MMD2: variants seen among roughly 807,000 people sequenced by gnomAD.
MMD2 encodes the protein monocyte to macrophage differentiation associated 2, also known as monocyte to macrophage differentiation factor 2.
A neutral mutation model predicts 33.5 loss-of-function variants in MMD2; 30 were observed. The ratio of observed to expected loss-of-function variants is 0.90; its 90% confidence interval spans 0.67 to 1.22. MMD2 has a LOEUF of 1.22. Ranked by LOEUF, MMD2 falls within the 50% of genes most tolerant of loss-of-function variation. MMD2 has a pLI of 0.00. For missense variants in MMD2, 364 were observed against 325.4 expected (o/e 1.12, Z -0.91); for synonymous variants, 129 against 123.0 (o/e 1.05, Z -0.32).
Position 4,959,038 on chromosome 7 carries a change from C to G in MMD2, c.-21G>C. The G allele has an allele frequency of 7.9e-7, 1 of 1,260,080 alleles. No individual in the cohort carries two copies. The highest frequency in any genetic ancestry group is 1.0e-6 in the Non-Finnish European group (1 of 994,328). 78.1% of individuals were successfully genotyped at this position (1,260,080 alleles called of 1,614,324 possible). A position where few individuals can be genotyped will look rare whatever the true frequency, so the allele number is the denominator to read the frequency against. The stretch of plus-strand genomic sequence containing the variant: ...AACATCGCGGCGCTTCCATGGGAAT[C>G]TGGCCCCGGGCTCAGAGCGCGGGTA... On this transcript the variant is annotated 5_prime_UTR_variant, in exon 1 of 7. Transcript: ENST00000401401.
At chr7:4,923,142 G>T (rs1308532839) in intron 2 of MMD2, among the ~76,000 whole-genome samples, 1 of 149,748 alleles carries the variant, frequency 6.7e-6, no homozygotes, top group African/African-American at 2.5e-5. Context: ...ATTCTGTCCT[G>T]CACTCAACTG....
chr7:4,909,681 C>T (rs1784955792), intron 6 of MMD2, 200 bp downstream of exon 6: 4 of 762,352 alleles, frequency 5.2e-6, no homozygotes, highest in South Asian at 4.4e-5. Flanking sequence ...AACTATCCTC[C>T]CACCTCAGCC....
chr7:4,947,150 G>A (rs1432507771), intron 1 of MMD2, among the ~76,000 whole-genome samples: 1 of 152,022 alleles, frequency 6.6e-6, no homozygotes, highest in East Asian at 1.9e-4. Flanking sequence ...GGAGTTTGCA[G>A]TAAGCTGAGA....
At chr7:4,917,674 A>T (rs1785175964) in intron 3 of MMD2, among the ~76,000 whole-genome samples, 1 of 151,966 alleles carries the variant, frequency 6.6e-6, no homozygotes, top group Non-Finnish European at 1.5e-5. Flanking sequence ...CTTGGGCAAC[A>T]AGAGTGAAAC....
At chr7:4,904,427 G>A (rs1429222884), downstream of MMD2, among the ~76,000 whole-genome samples, 1 of 152,206 alleles carries the variant, frequency 6.6e-6, no homozygotes, top group Non-Finnish European at 1.5e-5. Flanking sequence ...TGCTGGGGAA[G>A]AGAAAGGGTT....
intron 1 of MMD2, among the ~76,000 whole-genome samples, chr7:4,951,200 G>C (rs1227459163): frequency 6.6e-6 from 1 of 152,040 alleles, no homozygotes; most frequent in African/African-American, 2.4e-5. Context: ...CAACTCCCTT[G>C]ATAACTATGA....
At chr7:4,943,249 T>A (rs1785960446) in intron 1 of MMD2, among the ~76,000 whole-genome samples, 1 of 151,718 alleles carries the variant, frequency 6.6e-6, no homozygotes. Flanking sequence ...GACCTTGTGA[T>A]CCGCCTGCCT....
the MMD2 span, among the ~76,000 whole-genome samples, chr7:4,899,031 G>C: frequency 6.6e-6 from 1 of 152,004 alleles, no homozygotes; most frequent in Non-Finnish European, 1.5e-5. Flanking sequence ...AAGGTGATTA[G>C]GTCAGGGAGG....
In MMD2 at chr7:4,925,106, G is replaced by C. The variant is rs550763209; in HGVS notation, c.129+345C>G. On this transcript the variant is annotated intron_variant, in intron 2 of 6. Coordinates refer to ENST00000401401, the MANE Select transcript of MMD2 (RefSeq NM_198403.4). Reference sequence around the variant, plus strand: ...CCACCATGCCCAGCTAATTTTTGTAGTTTTAGTAGAGACGGGGTTTCACCA... The same window carrying C: ...CCACCATGCCCAGCTAATTTTTGTACTTTTAGTAGAGACGGGGTTTCACCA... 4.8e-4 allele frequency among the ~76,000 whole-genome samples: 73 copies of C among 152,032 alleles called. 2 individuals are homozygous for C. The South Asian group carries it at 0.014, about 29-fold the overall frequency.
In MMD2 at chr7:4,940,294, C is replaced by T. The variant is rs771071444; in HGVS notation, c.48-14762G>A. ...AGCTCAGCTTCTGCAATTCCTCCCT[C>T]TCTCTCTCTGGCCTGACCCAGCTGG... On this transcript the variant is annotated intron_variant, in intron 1 of 6. Coordinates refer to ENST00000401401, the MANE Select transcript of MMD2 (RefSeq NM_198403.4). The surrounding 1 kb of genome is among the most constrained non-coding windows in gnomAD (Gnocchi z 5.0). 3.3e-5 allele frequency among the ~76,000 whole-genome samples: 5 copies of T among 152,034 alleles called. No individual in the cohort carries two copies. Among genetic ancestry groups the T allele is most frequent in the Non-Finnish European group, 7.4e-5 (5 of 67,966 alleles).
intron 4 of MMD2, 101 bp downstream of exon 4, chr7:4,915,904 T>C: frequency 8.2e-7 from 1 of 1,224,764 alleles, no homozygotes. Flanking sequence ...CCTAACTCCT[T>C]TGTGCCAAGT....
intron 5 of MMD2, among the ~76,000 whole-genome samples, chr7:4,910,681 C>T (rs112474324): frequency 0.013 from 2,007 of 152,040 alleles, 48 homozygotes; most frequent in African/African-American, 0.045. Flanking sequence ...CAGGCTGGAG[C>T]GCAGTGGCAC....
rs1786098879 is a variant in MMD2, at chr7:4,946,809, G to A, written c.47+12162C>T. 6.6e-6 allele frequency among the ~76,000 whole-genome samples: 1 copy of A among 152,108 alleles called. No individual in the cohort carries two copies. The highest frequency in any genetic ancestry group is 2.1e-4 in the South Asian group (1 of 4,830). On this transcript the variant is annotated intron_variant, in intron 1 of 6. Transcript: ENST00000401401. The surrounding 1 kb of genome is among the most constrained non-coding windows in gnomAD (Gnocchi z 5.0). Reference sequence around the variant, plus strand: ...TGCAGTGGTGCAATCATAGCTCACTGCAGCCTCGAATTCCTGGGCTCAACG... The same window carrying A: ...TGCAGTGGTGCAATCATAGCTCACTACAGCCTCGAATTCCTGGGCTCAACG...
At chr7:4,958,876 G>C in intron 1 of MMD2, 95 bp downstream of exon 1, 1 of 1,107,726 alleles carries the variant, frequency 9.0e-7, no homozygotes, top group South Asian at 3.6e-5. Flanking sequence ...CTAGCGCTCC[G>C]GGCGGCGGGG....
At chr7:4,956,931 C>T (rs753316052) in intron 1 of MMD2, among the ~76,000 whole-genome samples, 1 of 151,904 alleles carries the variant, frequency 6.6e-6, no homozygotes, top group Non-Finnish European at 1.5e-5. Context: ...TTTGGGAGGC[C>T]GAGGTGAGAG....
the MMD2 span, among the ~76,000 whole-genome samples, chr7:4,897,537 A>C: frequency 6.6e-6 from 1 of 152,162 alleles, no homozygotes; most frequent in Admixed American, 6.6e-5. Context: ...CCCACCCCAG[A>C]GAAAGGCCTT....
chr7:4,949,612 A>T (rs1420132508), intron 1 of MMD2, among the ~76,000 whole-genome samples: 1 of 151,978 alleles, frequency 6.6e-6, no homozygotes, highest in African/African-American at 2.4e-5. Flanking sequence ...CCAAGGTTCA[A>T]GCAATTCTCC....
chr7:4,955,315 G>A (rs185017461), intron 1 of MMD2, among the ~76,000 whole-genome samples: 6 of 152,274 alleles, frequency 3.9e-5, no homozygotes, highest in Non-Finnish European at 8.8e-5. Context: ...GTGACCAGGT[G>A]GTTACTTACA....
the MMD2 span, among the ~76,000 whole-genome samples, chr7:4,898,700 G>T: frequency 6.6e-6 from 1 of 152,170 alleles, no homozygotes; most frequent in Non-Finnish European, 1.5e-5. Context: ...AGGAGTTCAA[G>T]ACCAGCTGGC....
Sources: allele counts gnomAD v4.1 joint callset (sites outside exome capture counted in the v4.1 genomes callset), GRCh38; gene constraint gnomAD v4.1.1; non-coding constraint Gnocchi (gnomAD v3.1); transcripts MANE v1.5; gene names NCBI Gene and HGNC (gene_info 2026-07-23, HGNC 2026-07-21).